Variants in KCNH8 observed in about 807,000 individuals in gnomAD.
KCNH8 encodes the protein voltage-gated delayed rectifier potassium channel KCNH8.
A neutral mutation model predicts 103.6 loss-of-function variants in KCNH8; 70 were observed. The observed-to-expected ratio is 0.68, with a 90% CI of 0.56 to 0.82. The LOEUF (loss-of-function observed/expected upper bound fraction) is 0.82. Ranked by LOEUF, KCNH8 falls within the 40% of genes least tolerant of loss-of-function variation. KCNH8 has a pLI of 0.00. For synonymous variants in KCNH8, 498 were observed against 489.4 expected (o/e 1.02, Z -0.23); for missense variants, 1,217 against 1,329.9 (o/e 0.92, Z 1.32).
intron 5 of KCNH8, among the ~76,000 whole-genome samples, chr3:19,377,641 G>A (rs1309745689): frequency 1.3e-5 from 2 of 152,186 alleles, no homozygotes; most frequent in Non-Finnish European, 2.9e-5. Flanking sequence ...CCCAGGAGGA[G>A]CTGCAAGAGT....
intron 1 of KCNH8, among the ~76,000 whole-genome samples, chr3:19,219,599 G>A (rs535675060): frequency 1.3e-5 from 2 of 152,312 alleles, no homozygotes; most frequent in Admixed American, 1.3e-4. Flanking sequence ...TCTGAAACAA[G>A]TTTCTTGCAC....
intron 7 of KCNH8, among the ~76,000 whole-genome samples, chr3:19,414,850 G>C (rs1044217701): frequency 4.7e-4 from 71 of 152,014 alleles, no homozygotes; most frequent in African/African-American, 1.7e-3. Flanking sequence ...TCCTGGAGAT[G>C]CTTTAAAATT....
In KCNH8 at chr3:19,514,031, T is replaced by C. The variant is rs886513106; in HGVS notation, c.2435+706T>C. On this transcript the variant is annotated intron_variant, in intron 13 of 15. Transcript: ENST00000328405. ...ATTACTTTTTATGTTTCATGTATTT[T>C]GCGAGATAATTTCACATTCACAATT... Among the ~76,000 whole-genome samples, 6 of 151,546 alleles carry C rather than the reference T, an allele frequency of 4.0e-5. 1 individual carries two copies. Among genetic ancestry groups the C allele is most frequent in the Non-Finnish European group, 8.8e-5 (6 of 68,002 alleles).
intron 2 of KCNH8, among the ~76,000 whole-genome samples, chr3:19,274,421 G>A (rs1293611893): frequency 2.0e-5 from 3 of 152,118 alleles, no homozygotes; most frequent in African/African-American, 4.8e-5. Flanking sequence ...ACTGTACTCA[G>A]TTGTTCCATT....
intron 2 of KCNH8, among the ~76,000 whole-genome samples, chr3:19,254,993 C>T (rs753455390): frequency 6.6e-6 from 1 of 152,050 alleles, no homozygotes; most frequent in African/African-American, 2.4e-5. Context: ...GTCATAATCC[C>T]CAATATGATT....
At chr3:19,458,482 T>C (rs565888337) in intron 11 of KCNH8, among the ~76,000 whole-genome samples, 4 of 152,076 alleles carry the variant, frequency 2.6e-5, no homozygotes, top group Non-Finnish European at 4.4e-5. Flanking sequence ...AGGATCCTTA[T>C]CTTTTTAAAA....
intron 1 of KCNH8, among the ~76,000 whole-genome samples, chr3:19,248,866 G>A (rs1408058882): frequency 2.6e-5 from 4 of 152,174 alleles, no homozygotes; most frequent in African/African-American, 4.8e-5. Context: ...AGGGGAAAGT[G>A]GTGCTCCATA....
chr3:19,247,177 C>T (rs545873802), intron 1 of KCNH8, among the ~76,000 whole-genome samples: 1 of 152,198 alleles, frequency 6.6e-6, no homozygotes, highest in African/African-American at 2.4e-5. Context: ...ATCTTTTTTA[C>T]AAATTTTTAA....
At chr3:19,370,349 G>A (rs900660478) in intron 5 of KCNH8, among the ~76,000 whole-genome samples, 1 of 151,976 alleles carries the variant, frequency 6.6e-6, no homozygotes, top group Non-Finnish European at 1.5e-5. Context: ...ATAAATACTG[G>A]TTGAGTAAAT....
At chr3:19,278,890 C>A (rs2064715870) in intron 2 of KCNH8, among the ~76,000 whole-genome samples, 1 of 151,878 alleles carries the variant, frequency 6.6e-6, no homozygotes, top group South Asian at 2.1e-4. Context: ...TTGGTTTTCA[C>A]CTCATGTGGT....
intron 11 of KCNH8, among the ~76,000 whole-genome samples, chr3:19,508,575 T>C (rs1236830659): frequency 6.6e-6 from 1 of 152,148 alleles, no homozygotes; most frequent in Non-Finnish European, 1.5e-5. Context: ...ATCAGGGTGC[T>C]TATCACATGA....
intron 2 of KCNH8, among the ~76,000 whole-genome samples, chr3:19,261,727 A>G (rs1024196725): frequency 6.6e-6 from 1 of 151,662 alleles, no homozygotes; most frequent in Non-Finnish European, 1.5e-5. Context: ...TAAGTGTTTT[A>G]TGGTTTCAGG....
chr3:19,419,223 G>A (rs796966389), intron 7 of KCNH8, among the ~76,000 whole-genome samples: 45 of 120,318 alleles, frequency 3.7e-4, no homozygotes, highest in African/African-American at 1.4e-3. Flanking sequence ...TTTTTGAGAC[G>A]GAGTCTCGCT....
At chr3:19,485,002 C>T (rs1033975153) in intron 11 of KCNH8, among the ~76,000 whole-genome samples, 3 of 152,112 alleles carry the variant, frequency 2.0e-5, no homozygotes, top group Non-Finnish European at 4.4e-5. Context: ...TATTTTAATC[C>T]TGTTTTCTGA....
At chr3:19,260,444 A>C (rs1243464420) in intron 2 of KCNH8, among the ~76,000 whole-genome samples, 2 of 143,348 alleles carry the variant, frequency 1.4e-5, no homozygotes, top group Non-Finnish European at 3.0e-5. Flanking sequence ...CTTACTTAAA[A>C]ACATTTTTAT....
At chr3:19,427,631 GGATGTT>G (rs541681306) in intron 7 of KCNH8, among the ~76,000 whole-genome samples, 90 of 152,254 alleles carry the variant, frequency 5.9e-4, no homozygotes, top group African/African-American at 2.1e-3. Flanking sequence ...TGAGTCATTG[GGATGTT>G]GCTGAGAGTT....
intron 5 of KCNH8, among the ~76,000 whole-genome samples, chr3:19,371,853 A>G (rs1488197493): frequency 6.6e-6 from 1 of 150,722 alleles, no homozygotes; most frequent in African/African-American, 2.4e-5. Flanking sequence ...TCCCAGCACC[A>G]TTTATTAAAT....
At chr3:19,493,379 A>T (rs1450058596) in intron 11 of KCNH8, among the ~76,000 whole-genome samples, 1 of 152,220 alleles carries the variant, frequency 6.6e-6, no homozygotes, top group South Asian at 2.1e-4. Flanking sequence ...TGATTGGATT[A>T]TGGGGCAGTT....
chr3:19,291,179 C>A (rs1176063500), intron 3 of KCNH8, among the ~76,000 whole-genome samples: 1 of 152,052 alleles, frequency 6.6e-6, no homozygotes, highest in African/African-American at 2.4e-5. Flanking sequence ...TTTTATTGAT[C>A]TTTTCAAAAA....
Sources: gnomAD v4.1 joint callset for allele counts (sites outside exome capture counted in the v4.1 genomes callset) on GRCh38, gnomAD v4.1.1 for gene constraint, MANE v1.5 for transcripts, NCBI Gene and HGNC (gene_info 2026-07-23, HGNC 2026-07-21) for gene names.